Variants in ANK3 observed in about 807,000 individuals in gnomAD.
ANK3 encodes ankyrin-3.
A neutral mutation model predicts 370.9 loss-of-function variants in ANK3; 57 were observed. The ratio of observed to expected loss-of-function variants is 0.15; its 90% CI spans 0.12 to 0.19. The LOEUF is 0.19. Ranked by LOEUF, ANK3 falls within the 10% of genes least tolerant of loss-of-function variation. ANK3 has a pLI of 1.00. For synonymous variants in ANK3, 1,929 were observed against 1,946.3 expected, an observed-to-expected ratio of 0.99 and a Z score of 0.23; for missense variants, 4,439 against 5,302.1, an observed-to-expected ratio of 0.84 and a Z score of 5.06.
chr10:60,444,501 T>C (rs1051355297), intron 2 of ANK3, among the ~76,000 whole-genome samples: 1 of 151,486 alleles, frequency 6.6e-6, no homozygotes, highest in Non-Finnish European at 1.5e-5. Context: ...GGACAAAAAG[T>C]GGCTATTAAC....
At chr10:60,403,786 A>G (rs2063399176) in intron 2 of ANK3, among the ~76,000 whole-genome samples, 3 of 152,316 alleles carry the variant, frequency 2.0e-5, no homozygotes, top group African/African-American at 7.2e-5. Context: ...GAGCCACAAG[A>G]TTGGAGAGGA....
At chr10:60,067,892 A>G (rs1263500274) in intron 38 of ANK3, 43 bp downstream of exon 38, 2 of 1,487,816 alleles carry the variant, frequency 1.3e-6, no homozygotes, top group Middle Eastern at 1.8e-4. Flanking sequence ...AGACAAAGAA[A>G]TGAAGAAACT....
intron 2 of ANK3, among the ~76,000 whole-genome samples, chr10:60,592,284 T>C (rs2077927243): frequency 6.6e-6 from 1 of 152,184 alleles, no homozygotes; most frequent in Non-Finnish European, 1.5e-5. Flanking sequence ...CCAGAATCAG[T>C]TTCTTGTTTG....
rs535115196 is a variant in ANK3, at chr10:60,668,537, C to A, written c.58-53313G>T. ...TCTTGCTACCAGGTGCCAGGAATTT[C>A]TTAATCATAGGGATATTACTCATTC... On this transcript the variant is annotated intron_variant, in intron 1 of 43. Coordinates refer to the ANK3 transcript ENST00000373827. Among the ~76,000 whole-genome samples, 4 of 152,230 alleles carry A rather than the reference C, an allele frequency of 2.6e-5. No homozygotes were observed. The South Asian group carries it at 6.2e-4, about 24-fold the overall frequency.
chr10:60,384,972 GCCTGGATCCCCATCAGAGCTT>G (rs1412416221), intron 1 of ANK3, among the ~76,000 whole-genome samples: 3 of 152,086 alleles, frequency 2.0e-5, no homozygotes, highest in Non-Finnish European at 4.4e-5. Flanking sequence ...AGCATTTCGT[GCCTGGATCCCCATCAGAGCTT>G]CCTGACTGCT....
At chr10:60,726,437 CATTT>C (rs1378417348) in intron 1 of ANK3, among the ~76,000 whole-genome samples, 1 of 152,054 alleles carries the variant, frequency 6.6e-6, no homozygotes, top group African/African-American at 2.4e-5. Flanking sequence ...TAAACACTAC[CATTT>C]ATTTATTTAA....
intron 1 of ANK3, among the ~76,000 whole-genome samples, chr10:60,692,493 C>T (rs933981334): frequency 1.3e-5 from 2 of 152,196 alleles, no homozygotes; most frequent in African/African-American, 4.8e-5. Flanking sequence ...TAAAACTGAT[C>T]TATTAAGAAT....
chr10:60,173,612 T>C (rs886844673), intron 18 of ANK3, among the ~76,000 whole-genome samples: 2 of 152,098 alleles, frequency 1.3e-5, no homozygotes, highest in Non-Finnish European at 2.9e-5. Flanking sequence ...TAATAACACA[T>C]GGCAGGAGGT....
chr10:60,313,003 T>C (rs948939600), intron 1 of ANK3, among the ~76,000 whole-genome samples: 5 of 152,150 alleles, frequency 3.3e-5, no homozygotes, highest in Admixed American at 2.0e-4. Context: ...GTGTGCAAAA[T>C]AGGGTGGTGC....
At chr10:60,267,689 T>G (rs1275650531) in intron 5 of ANK3, among the ~76,000 whole-genome samples, 1 of 152,166 alleles carries the variant, frequency 6.6e-6, no homozygotes, top group East Asian at 1.9e-4. Flanking sequence ...ACAATCTAAT[T>G]CTAATCTATT....
At chr10:60,340,177 G>C (rs559046141) in intron 1 of ANK3, among the ~76,000 whole-genome samples, 15 of 152,250 alleles carry the variant, frequency 9.9e-5, no homozygotes, top group African/African-American at 2.6e-4. Context: ...GTGAGGCCCA[G>C]TAACCTGTGC....
intron 25 of ANK3, among the ~76,000 whole-genome samples, chr10:60,127,422 A>G (rs547824077): frequency 4.3e-4 from 66 of 152,330 alleles, no homozygotes; most frequent in African/African-American, 1.6e-3. Flanking sequence ...GTATGCAGGC[A>G]AAACCAACCG....
intron 26 of ANK3, among the ~76,000 whole-genome samples, 185 bp from the exon 27 acceptor site, chr10:60,109,239 CA>C (rs2092484033): frequency 6.6e-6 from 1 of 152,146 alleles, no homozygotes; most frequent in South Asian, 2.1e-4. Flanking sequence ...GTGCACTTTG[CA>C]AAAACTGAAA....
intron 40 of ANK3, among the ~76,000 whole-genome samples, chr10:60,061,321 A>G (rs1298716441): frequency 2.0e-5 from 3 of 152,222 alleles, no homozygotes; most frequent in African/African-American, 7.2e-5. Context: ...GGAATTTAAA[A>G]ATATTAAGAT....
chr10:60,125,823 C>T (rs868777054), intron 25 of ANK3, among the ~76,000 whole-genome samples: 1 of 152,094 alleles, frequency 6.6e-6, no homozygotes, highest in Admixed American at 6.5e-5. Context: ...CTTGAAAATA[C>T]GAGCAGGAAG....
chr10:60,228,389 C>T (rs1466693951), intron 8 of ANK3, among the ~76,000 whole-genome samples: 2 of 151,910 alleles, frequency 1.3e-5, no homozygotes, highest in East Asian at 3.9e-4. Context: ...CAAAAATTAG[C>T]TAGGCGAGGT....
rs139022925 is a variant in ANK3 at position 60,072,347 on chromosome 10, C to T, written c.8534G>A (p.Gly2845Glu). The change falls in exon 37 of 44, where the codon GGA becomes GAA. Residue 2845 changes from glycine (G) to glutamate (E), a missense_variant. Gly to Glu is a moderately conservative substitution (Grantham distance 98). Coordinates refer to ENST00000280772, the MANE Select transcript of ANK3 (RefSeq NM_020987.5). ...CHITSDLATR[G>E]PWDKKVFRTW... The stretch of plus-strand genomic sequence containing the variant: ...TCTAAAGACCTTTTTGTCCCATGGT[C>T]CCCTAGTTGCTAAATCTGAGGTTAT... 2.2e-3 allele frequency: 3,622 copies of T among 1,613,816 alleles called. 6 individuals are homozygous for T. The highest frequency in any genetic ancestry group is 2.7e-3 in the Non-Finnish European group (3,222 of 1,179,956).
intron 1 of ANK3, among the ~76,000 whole-genome samples, chr10:60,281,800 A>G (rs2098167389): frequency 1.3e-5 from 2 of 152,342 alleles, no homozygotes; most frequent in South Asian, 4.1e-4. Flanking sequence ...TAAGTCACCG[A>G]GTCAGGTGTC....
At chr10:60,416,542 G>C (rs1332115916) in intron 2 of ANK3, among the ~76,000 whole-genome samples, 1 of 152,172 alleles carries the variant, frequency 6.6e-6, no homozygotes, top group African/African-American at 2.4e-5. Context: ...GTGGTGCTTG[G>C]TGAGTTGTGG....
Sources: gnomAD v4.1 joint callset for allele counts (sites outside exome capture counted in the v4.1 genomes callset) on GRCh38, gnomAD v4.1.1 for gene constraint, MANE v1.5 for transcripts, NCBI Gene and HGNC (gene_info 2026-07-23, HGNC 2026-07-21) for gene names.